The following IQSEC2 variants were observed in gnomAD, a reference collection of about 807,000 sequenced individuals.
The protein encoded by IQSEC2 is IQ motif and SEC7 domain-containing protein 2.
IQSEC2 carries 6 observed loss-of-function variants against 74.6 expected under a neutral mutation model. The observed-to-expected ratio is 0.08, with a 90% CI of 0.04 to 0.16. The LOEUF (loss-of-function observed/expected upper bound fraction) is 0.16. Ranked by LOEUF, IQSEC2 falls within the 10% of genes least tolerant of loss-of-function variation. IQSEC2 has a pLI of 1.00. For synonymous variants in IQSEC2, 494 were observed against 544.5 expected (o/e 0.91, Z 1.29); for missense variants, 734 against 1,306.2 (o/e 0.56, Z 6.75).
chrX:53,272,990 T>A (rs1451553121), intron 2 of IQSEC2, among the ~76,000 whole-genome samples: 1 of 111,283 alleles, frequency 9.0e-6, no homozygotes, highest in African/African-American at 3.3e-5. Flanking sequence ...AAGACAGCCC[T>A]AAGAGGTAAG....
chrX:53,236,191 A>G, intron 13 of IQSEC2, 131 bp downstream of exon 13: 1 of 778,798 alleles, frequency 1.3e-6, no homozygotes, highest in East Asian at 3.5e-5. Context: ...CGCAGCGCCC[A>G]GGGCTCTGGG....
chrX:53,259,969 C>G (rs192483321), intron 2 of IQSEC2, among the ~76,000 whole-genome samples: 2 of 111,965 alleles, frequency 1.8e-5, no homozygotes, highest in Non-Finnish European at 1.9e-5. Flanking sequence ...GCAAAATGCA[C>G]GAGAACATTC....
chrX:53,281,528 G>T, intron 2 of IQSEC2: 2 of 1,153,959 alleles, frequency 1.7e-6, no homozygotes, highest in Non-Finnish European at 2.3e-6. Flanking sequence ...CCATGGGTCT[G>T]GACCTGTCCC....
intron 2 of IQSEC2, among the ~76,000 whole-genome samples, chrX:53,280,081 AG>A (rs1556870520): frequency 1.8e-5 from 2 of 108,948 alleles, no homozygotes; most frequent in Non-Finnish European, 3.8e-5. Context: ...CCTGTGTTCC[AG>A]GTGACTCCGT....
At chrX:53,283,138 C>T (rs1556871227) in intron 2 of IQSEC2, among the ~76,000 whole-genome samples, 1 of 112,493 alleles carries the variant, frequency 8.9e-6, no homozygotes, top group Non-Finnish European at 1.9e-5. Context: ...ATCGCTTAAG[C>T]CCCAGAGGCG....
chrX:53,248,887 A>C lies in IQSEC2; in HGVS notation c.2298-5T>G. The C allele has an allele frequency of 8.3e-7, 1 of 1,205,668 alleles. No individual in the cohort carries two copies. On this transcript the variant is annotated splice_polypyrimidine_tract_variant and splice_region_variant and intron_variant, in intron 5 of 14. Transcript: ENST00000642864. ...TGGATACCCTTCTCTGGCTTCCTGC[A>C]GAAAGAGGAGAGGTAGATGAGATGA...
In IQSEC2 at chrX:53,238,127, C is replaced by T. The variant is rs143966238; in HGVS notation, c.3277+18G>A. ...CTGTTTCAGGAGAGCAGGGAGGAGACATGGCTGGGCTACTCACACTCCACA... is the reference window on the plus strand; with the variant it reads ...CTGTTTCAGGAGAGCAGGGAGGAGATATGGCTGGGCTACTCACACTCCACA... On this transcript the variant is annotated intron_variant, in intron 12 of 14. Coordinates refer to ENST00000642864, the MANE Select transcript of IQSEC2 (RefSeq NM_001111125.3). 661 of 1,190,090 alleles carry T rather than the reference C, an allele frequency of 5.6e-4. 7 individuals are homozygous for T. In the African/African-American group the frequency reaches 0.01, roughly 18 times the overall value.
intron 1 of IQSEC2, among the ~76,000 whole-genome samples, chrX:53,292,323 T>C (rs2075109004): frequency 8.9e-6 from 1 of 112,048 alleles, no homozygotes; most frequent in African/African-American, 3.2e-5. Flanking sequence ...GGTTCAGATA[T>C]TGGCTCTGCC....
At chrX:53,279,728 C>T (rs1308766001) in intron 2 of IQSEC2, 20 of 615,552 alleles carry the variant, frequency 3.2e-5, no homozygotes, top group South Asian at 3.2e-4. Flanking sequence ...GCAGGGTGGG[C>T]GATGGGGGCA....
At chrX:53,280,761 G>C (rs1173507982) in intron 2 of IQSEC2, among the ~76,000 whole-genome samples, 2 of 111,671 alleles carry the variant, frequency 1.8e-5, no homozygotes, top group Non-Finnish European at 3.8e-5. Flanking sequence ...AGCAGGGCAG[G>C]GAGGCTGAGG....
In IQSEC2 at chrX:53,257,368, C is replaced by T. The variant is rs2074490685; in HGVS notation, c.738-1307G>A. Among the ~76,000 whole-genome samples the T allele has an allele frequency of 5.3e-5, 6 of 112,671 alleles. No homozygotes were observed. In the South Asian group the frequency reaches 2.2e-3, roughly 40 times the overall value. On this transcript the variant is annotated intron_variant, in intron 2 of 14. Coordinates refer to ENST00000642864, the MANE Select transcript of IQSEC2 (RefSeq NM_001111125.3). Reference sequence around the variant, plus strand: ...GAAGGCTGCGCCCACGAGGCCCGGTCCCGGGCTGCAGCGCTGTGGAGCTCG... The same window carrying T: ...GAAGGCTGCGCCCACGAGGCCCGGTTCCGGGCTGCAGCGCTGTGGAGCTCG...
At chrX:53,237,956 T>C (rs2074160331) in intron 12 of IQSEC2, 189 bp downstream of exon 12, 1 of 486,455 alleles carries the variant, frequency 2.1e-6, no homozygotes, top group Admixed American at 2.9e-5. Flanking sequence ...AGGATAATAA[T>C]GGGGTTGGGA....
chrX:53,296,081 G>A (rs1265697359), intron 1 of IQSEC2, among the ~76,000 whole-genome samples: 2 of 107,972 alleles, frequency 1.9e-5, no homozygotes, highest in Non-Finnish European at 3.8e-5. Context: ...CTGTCACCAG[G>A]CTGGAGTGCA....
At chrX:53,293,672 C>G (rs983582482) in intron 1 of IQSEC2, among the ~76,000 whole-genome samples, 2 of 111,098 alleles carry the variant, frequency 1.8e-5, no homozygotes, top group South Asian at 3.8e-4. Flanking sequence ...CCACCTACCC[C>G]CAAACCCAGC....
rs188659737 is a variant in IQSEC2, at chrX:53,250,311, C to A, written c.2265G>T (p.Arg755=). 2.7e-5 allele frequency: 33 copies of A among 1,209,738 alleles called. No homozygotes were observed. The East Asian group carries it at 9.8e-4, about 36-fold the overall frequency. The change falls in exon 5 of 15, where the codon CGG becomes CGT. Residue 755 remains arginine (R), a synonymous_variant. Coordinates refer to ENST00000642864, the MANE Select transcript of IQSEC2 (RefSeq NM_001111125.3). The stretch of plus-strand genomic sequence containing the variant: ...AGAGGTTGAGGCCGATTCGGTAGTG[C>A]CGCCTCTGGACCACATCATTGTTGA... ...PAFNNDVVQR[R]HYRIGLNLFN...
At position 53,293,293 on chromosome X, in the gene IQSEC2, C is replaced by A. The variant is rs781898071; in HGVS notation, c.708-1369G>T. On this transcript the variant is annotated intron_variant, in intron 1 of 14. Transcript: ENST00000642864. ...CAGGGCTTTGCCTTGTAAAATGGGG[C>A]TTTGGGGGTGGGCTGCGGTGAGAGT... Among the ~76,000 whole-genome samples the A allele has an allele frequency of 2.7e-5, 3 of 111,558 alleles. No homozygotes were observed. The South Asian group carries it at 1.1e-3, about 42-fold the overall frequency.
At position 53,239,611 on chromosome X, in the gene IQSEC2, A is replaced by G. The variant is rs1044168327; in HGVS notation, c.3016-317T>C. Reference sequence around the variant, plus strand: ...TTTGTAAACCCCTTTTCTGAGCTCCAGAATGGTGATTCAGTGCCTTTCCCT... The same window carrying G: ...TTTGTAAACCCCTTTTCTGAGCTCCGGAATGGTGATTCAGTGCCTTTCCCT... On this transcript the variant is annotated intron_variant, in intron 10 of 14. Transcript: ENST00000642864. 3.8e-5 allele frequency: 10 copies of G among 264,204 alleles called. No homozygotes were observed. In the East Asian group the frequency reaches 5.5e-4, roughly 14 times the overall value. The allele number at this position is 264,204 out of a possible 1,213,427, so 21.8% of individuals were successfully genotyped here. A position where few individuals can be genotyped will look rare whatever the true frequency, so the allele number is the denominator to read the frequency against.
chrX:53,238,633 C>T (rs1298924543), intron 11 of IQSEC2, among the ~76,000 whole-genome samples: 3 of 109,489 alleles, frequency 2.7e-5, no homozygotes, highest in African/African-American at 1.0e-4. Flanking sequence ...TTGCCTTGGC[C>T]TCCCAAAGTG....
downstream of IQSEC2, chrX:53,226,744 C>T (rs1380333641): frequency 8.9e-6 from 1 of 111,810 alleles, no homozygotes; most frequent in African/African-American, 3.3e-5. Flanking sequence ...GAGCTCATGC[C>T]CTGGGCTCAA....
Sources: allele counts gnomAD v4.1 joint callset (sites outside exome capture counted in the v4.1 genomes callset), GRCh38; gene constraint gnomAD v4.1.1; transcripts MANE v1.5; gene names NCBI Gene and HGNC (gene_info 2026-07-23, HGNC 2026-07-21).